Variants in GPR55 observed in about 807,000 individuals in gnomAD.
GPR55 encodes the protein G protein-coupled receptor 55, also known as G-protein coupled receptor 55.
GPR55 carries 6 observed loss-of-function variants against 7.9 expected under a neutral mutation model. The observed-to-expected ratio is 0.76, with a 90% CI of 0.41 to 1.49. GPR55 has a LOEUF of 1.49. Among genes scored for constraint, GPR55 ranks in the 40% most tolerant of loss-of-function variants. The probability of loss-of-function intolerance (pLI) is 0.01; values close to 1 mark genes in which losing one functional copy is unlikely to be tolerated. For synonymous variants in GPR55, 183 were observed against 166.8 expected (o/e 1.10, Z -0.75); for missense variants, 376 against 406.0 (o/e 0.93, Z 0.63).
intron 1 of GPR55, among the ~76,000 whole-genome samples, chr2:230,952,136 G>T (rs1454442114): frequency 6.6e-6 from 1 of 152,264 alleles, no homozygotes; most frequent in East Asian, 1.9e-4. Context: ...GGTCACCTGA[G>T]CTCTCATCAG....
At chr2:230,913,389 G>A (rs1163408004) in intron 1 of GPR55, among the ~76,000 whole-genome samples, 1 of 152,028 alleles carries the variant, frequency 6.6e-6, no homozygotes, top group South Asian at 2.1e-4. Flanking sequence ...AAAGAAAATC[G>A]ATATATATAG....
upstream of GPR55, among the ~76,000 whole-genome samples, chr2:230,926,687 T>C (rs1455255235): frequency 7.8e-6 from 1 of 128,818 alleles, no homozygotes; most frequent in Admixed American, 7.3e-5. Context: ...ACCTTCTTTT[T>C]TTTTTTTTTT....
intron 1 of GPR55, among the ~76,000 whole-genome samples, chr2:230,932,017 C>T (rs1691056403): frequency 6.6e-6 from 1 of 152,156 alleles, no homozygotes; most frequent in Non-Finnish European, 1.5e-5. Flanking sequence ...AAGGCCTCAC[C>T]TCCAGCTCCT....
At chr2:230,953,662 G>A (rs758487213) in intron 1 of GPR55, among the ~76,000 whole-genome samples, 2 of 152,186 alleles carry the variant, frequency 1.3e-5, no homozygotes, top group African/African-American at 4.8e-5. Flanking sequence ...CAGCAGGAAG[G>A]GGAAATAAAC....
intron 1 of GPR55, among the ~76,000 whole-genome samples, chr2:230,946,230 G>C (rs1025519344): frequency 6.6e-6 from 1 of 152,168 alleles, no homozygotes; most frequent in African/African-American, 2.4e-5. Context: ...GGTGTGGAAG[G>C]GGGAGATGTT....
chr2:230,958,500 T>G (rs1691524875), intron 1 of GPR55, among the ~76,000 whole-genome samples: 1 of 152,202 alleles, frequency 6.6e-6, no homozygotes, highest in South Asian at 2.1e-4. Context: ...TCTTTCTATT[T>G]GTTGTACCCA....
chr2:230,909,924 C>T lies in GPR55; in HGVS notation c.*79G>A. The T allele has an allele frequency of 2.2e-6, 3 of 1,383,808 alleles. No homozygotes were observed. The highest frequency in any genetic ancestry group is 2.3e-5 in the East Asian group (1 of 43,666). 85.7% of individuals were successfully genotyped at this position (1,383,808 alleles called of 1,614,324 possible). ...GAAGATGGTGCGGATCATCCCACCA[C>T]ATCAAAACCCTGGAACGCGATATCC... On this transcript the variant is annotated 3_prime_UTR_variant, in exon 2 of 2. Transcript: ENST00000650999.
At chr2:230,954,432 C>G (rs1337417940) in intron 1 of GPR55, among the ~76,000 whole-genome samples, 1 of 152,228 alleles carries the variant, frequency 6.6e-6, no homozygotes, top group Non-Finnish European at 1.5e-5. Flanking sequence ...TAGTTCCCTC[C>G]TTTCCATGCC....
At chr2:230,926,099 G>A (rs754050857), upstream of GPR55, among the ~76,000 whole-genome samples, 1 of 152,188 alleles carries the variant, frequency 6.6e-6, no homozygotes, top group Non-Finnish European at 1.5e-5. Flanking sequence ...AAAGCTATGC[G>A]TGCTGGGACT....
intron 1 of GPR55, among the ~76,000 whole-genome samples, chr2:230,957,200 T>C (rs532911605): frequency 6.6e-6 from 1 of 152,330 alleles, no homozygotes; most frequent in East Asian, 1.9e-4. Flanking sequence ...TCTCAGCAAA[T>C]GATTTTGTTT....
chr2:230,952,915 T>G (rs1559180822), intron 1 of GPR55, among the ~76,000 whole-genome samples: 3 of 152,212 alleles, frequency 2.0e-5, no homozygotes, highest in Admixed American at 1.3e-4. Flanking sequence ...TGCTCCGCCA[T>G]TTGCCCTAAC....
At chr2:230,932,702 C>T (rs1691067570) in intron 1 of GPR55, among the ~76,000 whole-genome samples, 1 of 152,176 alleles carries the variant, frequency 6.6e-6, no homozygotes, top group South Asian at 2.1e-4. Flanking sequence ...TCTCTTGCTT[C>T]GTGTCTGGCC....
Position 230,923,486 on chromosome 2 carries a change from C to G in GPR55, c.-135+1682G>C, listed in dbSNP as rs1034572371. Among the ~76,000 whole-genome samples the G allele has an allele frequency of 1.3e-5, 2 of 152,182 alleles. No individual in the cohort carries two copies. The highest frequency in any genetic ancestry group is 4.8e-5 in the African/African-American group (2 of 41,440). On this transcript the variant is annotated intron_variant, in intron 1 of 1. Transcript: ENST00000650999. The surrounding 1 kb of genome is among the most constrained non-coding windows in gnomAD (Gnocchi z 4.1). ...ACCATAGTGTGAATAAAGTCATCCG[C>G]CTGTGCCTGAGCTGGGCTTCTGGGG...
intron 1 of GPR55, among the ~76,000 whole-genome samples, chr2:230,917,057 C>A: frequency 6.6e-6 from 1 of 152,216 alleles, no homozygotes; most frequent in Non-Finnish European, 1.5e-5. Flanking sequence ...ATATTCATAA[C>A]TAGCCTTGTA....
rs779309779 is a variant in GPR55 at position 230,910,986 on chromosome 2, A to G, written c.-24T>C. On this transcript the variant is annotated 5_prime_UTR_variant, in exon 2 of 2. Coordinates refer to ENST00000650999, the MANE Select transcript of GPR55 (RefSeq NM_005683.4). The surrounding 1 kb of genome is among the most constrained non-coding windows in gnomAD (Gnocchi z 5.4). ...ATGTTTCTTCCTACAACACCAACAG[A>G]TCAGACGGGGCTCCTTTCACTCTCT... The G allele has an allele frequency of 7.6e-6, 12 of 1,569,560 alleles. No individual in the cohort carries two copies. In the South Asian group the frequency reaches 1.2e-4, roughly 16 times the overall value.
intron 1 of GPR55, among the ~76,000 whole-genome samples, chr2:230,950,413 A>G (rs769528650): frequency 6.6e-6 from 1 of 151,656 alleles, no homozygotes. Context: ...TGCCACTTTT[A>G]TTTTCTTCTC....
chr2:230,915,644 G>A (rs1265188516), intron 1 of GPR55, among the ~76,000 whole-genome samples: 1 of 152,162 alleles, frequency 6.6e-6, no homozygotes, highest in Admixed American at 6.5e-5. Flanking sequence ...TATGGAGAGA[G>A]CCACTCCCAG....
intron 1 of GPR55, among the ~76,000 whole-genome samples, chr2:230,920,933 C>A (rs1364024163): frequency 6.6e-6 from 1 of 152,064 alleles, no homozygotes; most frequent in Non-Finnish European, 1.5e-5. Context: ...AAAATTCAAT[C>A]ATCTTTTGTC....
At chr2:230,931,290 G>A (rs749845056) in intron 1 of GPR55, among the ~76,000 whole-genome samples, 17 of 152,194 alleles carry the variant, frequency 1.1e-4, no homozygotes, top group Non-Finnish European at 2.2e-4. Flanking sequence ...ACCACGCCGA[G>A]GGCAGTACAC....
Sources: gnomAD v4.1 joint callset for allele counts (sites outside exome capture counted in the v4.1 genomes callset) on GRCh38, gnomAD v4.1.1 for gene constraint, Gnocchi (gnomAD v3.1) non-coding constraint, MANE v1.5 for transcripts, NCBI Gene and HGNC (gene_info 2026-07-23, HGNC 2026-07-21) for gene names.